SERPINB12: variants seen among roughly 807,000 people sequenced by gnomAD.
SERPINB12 encodes the protein serpin family B member 12.
Under a neutral mutation model 41.1 loss-of-function variants are expected in SERPINB12, and 57 were observed. The observed-to-expected ratio is 1.39, with a 90% confidence interval of 1.12 to 1.73. The LOEUF is 1.73. Ranked by LOEUF, SERPINB12 falls within the 40% of genes most tolerant of loss-of-function variation. The pLI is 0.00. For missense variants in SERPINB12, 536 were observed against 501.9 expected (o/e 1.07, Z -0.65); for synonymous variants, 180 against 181.3 (o/e 0.99, Z 0.06).
rs1462752659 is a variant in SERPINB12 at position 63,567,983 on chromosome 18, C to T, written c.*972C>T. Among the ~76,000 whole-genome samples, 2 of 149,272 alleles carry T rather than the reference C, an allele frequency of 1.3e-5. No homozygotes were observed. The highest frequency in any genetic ancestry group is 4.9e-5 in the African/African-American group (2 of 41,226). ...ACGTGGAGGCTGGCCTCCGTGTGCC[C>T]CTCTCTCTGCCTTCTGGCCACGTGG... On this transcript the variant is annotated 3_prime_UTR_variant, in exon 8 of 8. Transcript: ENST00000382768.
At chr18:63,565,352 C>T in intron 6 of SERPINB12, 93 bp from the exon 7 acceptor site, 2 of 1,222,034 alleles carry the variant, frequency 1.6e-6, no homozygotes, top group South Asian at 1.5e-5. Flanking sequence ...ACCTTCTCAT[C>T]TTTAGGAACC....
the SERPINB12 span, among the ~76,000 whole-genome samples, chr18:63,536,309 A>T: frequency 2.6e-5 from 4 of 152,182 alleles, no homozygotes; most frequent in South Asian, 8.3e-4. Context: ...CAATAGGTAC[A>T]GTTAATATTT....
At chr18:63,548,043 G>A (rs1910430082) in intron 1 of SERPINB12, among the ~76,000 whole-genome samples, 1 of 152,066 alleles carries the variant, frequency 6.6e-6, no homozygotes, top group Non-Finnish European at 1.5e-5. Flanking sequence ...TGATTTGGAA[G>A]TAAAGACATC....
chr18:63,520,573 A>G, the SERPINB12 span, among the ~76,000 whole-genome samples: 68 of 152,166 alleles, frequency 4.5e-4, no homozygotes, highest in South Asian at 7.7e-3. Flanking sequence ...AAATTGGGGG[A>G]CTCAGTAGGA....
chr18:63,535,275 A>T, the SERPINB12 span, among the ~76,000 whole-genome samples: 1 of 152,184 alleles, frequency 6.6e-6, no homozygotes, highest in African/African-American at 2.4e-5. Flanking sequence ...AAGGGGCAGT[A>T]ATAACTTTAC....
intron 5 of SERPINB12, among the ~76,000 whole-genome samples, chr18:63,563,186 T>C (rs996051264): frequency 6.6e-6 from 1 of 152,334 alleles, no homozygotes; most frequent in African/African-American, 2.4e-5. Context: ...AAAGAGCATA[T>C]AAAAGTATCT....
the SERPINB12 span, among the ~76,000 whole-genome samples, chr18:63,524,736 T>C: frequency 6.6e-6 from 1 of 151,812 alleles, no homozygotes; most frequent in South Asian, 2.1e-4. Flanking sequence ...ATTTACTTTT[T>C]TTTTCTCTTT....
chr18:63,525,748 G>T, the SERPINB12 span, among the ~76,000 whole-genome samples: 1 of 151,952 alleles, frequency 6.6e-6, no homozygotes, highest in African/African-American at 2.4e-5. Context: ...ATATTCAACA[G>T]GTCGAGTCAT....
At chr18:63,546,936 C>T (rs1185363433) in intron 1 of SERPINB12, among the ~76,000 whole-genome samples, 1 of 152,164 alleles carries the variant, frequency 6.6e-6, no homozygotes, top group Non-Finnish European at 1.5e-5. Context: ...AGCAGCAACT[C>T]TGAGGGCAAG....
rs963493568 is a variant in SERPINB12, at chr18:63,545,348, A to G, written c.-19+2856A>G. Among the ~76,000 whole-genome samples, 4 of 152,086 alleles carry G rather than the reference A, an allele frequency of 2.6e-5. No individual in the cohort carries two copies. In the East Asian group the frequency reaches 7.7e-4, roughly 29 times the overall value. On this transcript the variant is annotated intron_variant, in intron 1 of 7. Transcript: ENST00000382768. ...AGAGGCTCGCTTTCTTCAGCCATTCAGTGATATATTACATGTGTAAAGTAC... is the reference window on the plus strand; with the variant it reads ...AGAGGCTCGCTTTCTTCAGCCATTCGGTGATATATTACATGTGTAAAGTAC...
At chr18:63,519,533 C>T in the SERPINB12 span, among the ~76,000 whole-genome samples, 2 of 152,294 alleles carry the variant, frequency 1.3e-5, no homozygotes, top group South Asian at 4.1e-4. Context: ...CCCTTCTGTC[C>T]CTCTCAGTCT....
chr18:63,556,081 G>A, intron 1 of SERPINB12, 61 bp from the exon 2 acceptor site: 2 of 1,212,730 alleles, frequency 1.6e-6, no homozygotes, highest in East Asian at 2.3e-5. Flanking sequence ...AAATAAAATT[G>A]TTTGTTCACT....
At chr18:63,546,600 T>A (rs183527185) in intron 1 of SERPINB12, among the ~76,000 whole-genome samples, 3 of 152,278 alleles carry the variant, frequency 2.0e-5, no homozygotes, top group East Asian at 3.9e-4. Flanking sequence ...AATGTGTATA[T>A]GAAGTAAAAT....
chr18:63,565,481 G>T lies in SERPINB12; in HGVS notation c.742G>T (p.Gly248Cys), dbSNP rs1911067139. The change falls in exon 7 of 8, where the codon GGC (glycine) becomes TGC (cysteine). Residue 248 changes from glycine (G) to cysteine (C), a missense_variant. Physicochemically the swap from Gly to Cys is radical, Grantham distance 159. Coordinates refer to ENST00000382768, the MANE Select transcript of SERPINB12 (RefSeq NM_001307928.2). ...GAGTGTGAAGATGATGACGCAAAAAGGCCTCTACAGAATTGGCTTCATAGA... is the reference window on the plus strand; with the variant it reads ...GAGTGTGAAGATGATGACGCAAAAATGCCTCTACAGAATTGGCTTCATAGA... ...NKSVKMMTQK[G>C]LYRIGFIEEV... 1 of 1,613,760 alleles carries T rather than the reference G, an allele frequency of 6.2e-7. No individual in the cohort carries two copies.
chr18:63,538,555 G>C (rs1430493896), upstream of SERPINB12, among the ~76,000 whole-genome samples: 1 of 152,090 alleles, frequency 6.6e-6, no homozygotes, highest in Non-Finnish European at 1.5e-5. Flanking sequence ...ATATTCCATT[G>C]TGTGAATATA....
In SERPINB12 at chr18:63,543,590, T is replaced by TATTA. The variant is rs1297212433; in HGVS notation, c.-19+1098_-19+1099insATTA. On this transcript the variant is annotated intron_variant, in intron 1 of 7. Coordinates refer to ENST00000382768, the MANE Select transcript of SERPINB12 (RefSeq NM_001307928.2). ...ATACATTTTATTTATTTATTTTTAT[T>TATTA]TTTATTTATTTTTTTTTTTATTGAG... Among the ~76,000 whole-genome samples the TATTA allele has an allele frequency of 6.6e-5, 5 of 75,672 alleles. No individual in the cohort carries two copies. The East Asian group carries it at 2.1e-3, about 32-fold the overall frequency. 49.6% of individuals were successfully genotyped at this position (75,672 alleles called of 152,430 possible).
the SERPINB12 span, among the ~76,000 whole-genome samples, chr18:63,519,826 T>C: frequency 2.6e-5 from 4 of 152,294 alleles, no homozygotes; most frequent in South Asian, 4.1e-4. Flanking sequence ...CCCATCTCTA[T>C]AGGTTCTGAC....
chr18:63,542,767 T>C (rs558114932), intron 1 of SERPINB12, among the ~76,000 whole-genome samples: 4 of 152,220 alleles, frequency 2.6e-5, no homozygotes, highest in Admixed American at 2.6e-4. Flanking sequence ...ACCCAAGAGG[T>C]AGTTTTTCGA....
At chr18:63,564,265 A>G (rs749794081) in intron 6 of SERPINB12, 145 bp downstream of exon 6, 1 of 797,666 alleles carries the variant, frequency 1.3e-6, no homozygotes. Flanking sequence ...CCTGAATTTC[A>G]TTGAGTATTT....
Sources: allele counts gnomAD v4.1 joint callset (sites outside exome capture counted in the v4.1 genomes callset), GRCh38; gene constraint gnomAD v4.1.1; transcripts MANE v1.5; gene names NCBI Gene and HGNC (gene_info 2026-07-23, HGNC 2026-07-21).